Variants in RIMS1 observed in about 807,000 individuals in gnomAD.
RIMS1 encodes regulating synaptic membrane exocytosis protein 1.
In RIMS1, 83 loss-of-function variants were observed where a neutral mutation model predicts 214.1. That is an observed-to-expected ratio of 0.39 (90% CI 0.32 to 0.47). The LOEUF (loss-of-function observed/expected upper bound fraction) is 0.47. Among genes scored for constraint, RIMS1 ranks in the 20% least tolerant of loss-of-function variants. RIMS1 has a pLI of 0.99. For synonymous variants in RIMS1, 793 were observed against 786.8 expected, an observed-to-expected ratio of 1.01 and a Z score of -0.13; for missense variants, 2,050 against 2,161.8, an observed-to-expected ratio of 0.95 and a Z score of 1.03.
At position 72,049,280 on chromosome 6, in the gene RIMS1, T is replaced by C. The variant is rs1823952010; in HGVS notation, c.246-47669T>C. The stretch of plus-strand genomic sequence containing the variant: ...CAAGTTTTTTTTTTTCCTTATGTGT[T>C]CACTGACTGGGTTGGAATGAACTTC... On this transcript the variant is annotated intron_variant, in intron 2 of 33. Coordinates refer to ENST00000521978, the MANE Select transcript of RIMS1 (RefSeq NM_014989.7). Among the ~76,000 whole-genome samples the C allele has an allele frequency of 3.3e-5, 5 of 152,106 alleles. No homozygotes were observed. In the South Asian group the frequency reaches 1.0e-3, roughly 32 times the overall value.
chr6:72,368,168 G>T (rs1213473566), intron 29 of RIMS1, among the ~76,000 whole-genome samples: 1 of 151,478 alleles, frequency 6.6e-6, no homozygotes, highest in African/African-American at 2.4e-5. Flanking sequence ...TTTCTTATCT[G>T]TGCTTGTTAT....
At chr6:72,026,793 C>T (rs896387423) in intron 2 of RIMS1, among the ~76,000 whole-genome samples, 2 of 152,066 alleles carry the variant, frequency 1.3e-5, no homozygotes, top group Non-Finnish European at 2.9e-5. Context: ...TGCCTTGTAT[C>T]ACCATTTTAT....
At chr6:72,016,417 A>C (rs572918) in intron 2 of RIMS1, among the ~76,000 whole-genome samples, 54,636 of 151,672 alleles carry the variant, frequency 0.36, 10,579 homozygotes, top group South Asian at 0.45. Flanking sequence ...ACCTTCTGGG[A>C]TTTTAGTATT....
chr6:72,007,106 G>C (rs1808036784), intron 2 of RIMS1, among the ~76,000 whole-genome samples: 1 of 152,108 alleles, frequency 6.6e-6, no homozygotes, highest in Non-Finnish European at 1.5e-5. Flanking sequence ...CACATGGCTG[G>C]GTACTCCTCT....
At chr6:72,112,635 C>T (rs2036327190) in intron 4 of RIMS1, among the ~76,000 whole-genome samples, 1 of 152,066 alleles carries the variant, frequency 6.6e-6, no homozygotes, top group Non-Finnish European at 1.5e-5. Flanking sequence ...ACATTATTTC[C>T]ACTCCTCACT....
chr6:72,322,250 C>T (rs773046089), intron 28 of RIMS1, among the ~76,000 whole-genome samples: 1 of 152,072 alleles, frequency 6.6e-6, no homozygotes, highest in African/African-American at 2.4e-5. Context: ...TTTTATACCT[C>T]ATAGTAGCAG....
intron 1 of RIMS1, among the ~76,000 whole-genome samples, chr6:71,915,763 A>G (rs1778200825): frequency 6.6e-6 from 1 of 152,136 alleles, no homozygotes; most frequent in Non-Finnish European, 1.5e-5. Flanking sequence ...CACCGCCAAT[A>G]AAGACATACC....
At chr6:72,105,740 T>C (rs1297184462) in intron 4 of RIMS1, among the ~76,000 whole-genome samples, 2 of 152,176 alleles carry the variant, frequency 1.3e-5, no homozygotes, top group East Asian at 1.9e-4. Context: ...ATGAATGTTA[T>C]ATTAAAGAAT....
intron 1 of RIMS1, among the ~76,000 whole-genome samples, chr6:71,967,464 A>G (rs1794768470): frequency 6.6e-6 from 1 of 152,234 alleles, no homozygotes; most frequent in African/African-American, 2.4e-5. Flanking sequence ...AATGCTTTGA[A>G]GTTTAACTTG....
chr6:71,889,573 G>A (rs895990512), intron 1 of RIMS1, among the ~76,000 whole-genome samples: 20 of 152,252 alleles, frequency 1.3e-4, no homozygotes, highest in Middle Eastern at 3.4e-3. Context: ...GTGACAGATT[G>A]GTGAGTGTTT....
At chr6:71,983,637 A>G (rs1456646424) in intron 2 of RIMS1, among the ~76,000 whole-genome samples, 2 of 152,188 alleles carry the variant, frequency 1.3e-5, no homozygotes, top group Non-Finnish European at 2.9e-5. Flanking sequence ...AACAAGAGAA[A>G]TGACTACTTG....
intron 27 of RIMS1, among the ~76,000 whole-genome samples, chr6:72,312,287 C>A (rs77873614): frequency 0.015 from 2,251 of 152,182 alleles, 55 homozygotes; most frequent in African/African-American, 0.051. Context: ...TGCTAAGAAA[C>A]AAACACCCAT....
intron 2 of RIMS1, among the ~76,000 whole-genome samples, chr6:72,007,218 T>A (rs1456151342): frequency 1.3e-5 from 2 of 152,236 alleles, no homozygotes; most frequent in African/African-American, 4.8e-5. Context: ...AAACAGGGTC[T>A]GGAGTGGACC....
intron 4 of RIMS1, among the ~76,000 whole-genome samples, chr6:72,172,259 AT>A (rs200304841): frequency 0.019 from 2,826 of 151,376 alleles, 88 homozygotes; most frequent in African/African-American, 0.067. Context: ...TCAAAAAAAT[AT>A]TTTTAATCAT....
intron 1 of RIMS1, among the ~76,000 whole-genome samples, chr6:71,923,640 C>T (rs1780693137): frequency 6.6e-6 from 1 of 151,884 alleles, no homozygotes; most frequent in African/African-American, 2.4e-5. Context: ...GATCTTGGCT[C>T]ACCGCAATCA....
intron 28 of RIMS1, among the ~76,000 whole-genome samples, chr6:72,331,012 T>A (rs773754604): frequency 1.4e-4 from 21 of 151,778 alleles, no homozygotes; most frequent in Non-Finnish European, 2.7e-4. Context: ...CCCCTCCCAA[T>A]GATAACACTT....
rs530483485 is a variant in RIMS1 at position 72,370,838 on chromosome 6, C to T, written c.4367-19760C>T. Among the ~76,000 whole-genome samples, 11 of 151,736 alleles carry T rather than the reference C, an allele frequency of 7.2e-5. No homozygotes were observed. The South Asian group carries it at 2.3e-3, about 32-fold the overall frequency. On this transcript the variant is annotated intron_variant, in intron 29 of 33. Transcript: ENST00000521978. ...TAGAGAAGAAAAGGGAGGAAAGGAA[C>T]TATATGATAGGAATGCTGCAGAGGA...
intron 28 of RIMS1, among the ~76,000 whole-genome samples, chr6:72,333,099 A>G (rs1019387415): frequency 6.6e-6 from 1 of 151,936 alleles, no homozygotes; most frequent in African/African-American, 2.4e-5. Flanking sequence ...TCTTAGACTC[A>G]TTAAGCAAGA....
chr6:72,303,686 A>G (rs2094864704), intron 26 of RIMS1, among the ~76,000 whole-genome samples: 1 of 151,518 alleles, frequency 6.6e-6, no homozygotes, highest in African/African-American at 2.4e-5. Flanking sequence ...TTAATATTAA[A>G]AAAGCCATAG....
Sources: allele counts gnomAD v4.1 joint callset (sites outside exome capture counted in the v4.1 genomes callset), GRCh38; gene constraint gnomAD v4.1.1; transcripts MANE v1.5; gene names NCBI Gene and HGNC (gene_info 2026-07-23, HGNC 2026-07-21).